The following NETO1 variants were observed in gnomAD, a reference collection of about 807,000 sequenced individuals.
NETO1 encodes the protein neuropilin and tolloid like 1, also known as neuropilin and tolloid-like protein 1.
Under a neutral mutation model 61.3 loss-of-function variants are expected in NETO1, and 26 were observed. The ratio of observed to expected loss-of-function variants is 0.42; its 90% CI spans 0.31 to 0.59. The LOEUF (loss-of-function observed/expected upper bound fraction) is 0.59, where lower values mean the gene tolerates loss of function less well. NETO1 is among the 20% of genes least tolerant of loss of function. The pLI is 0.12. For synonymous variants in NETO1, 225 were observed against 225.8 expected, an observed-to-expected ratio of 1.00 and a Z score of 0.03; for missense variants, 531 against 662.8, an observed-to-expected ratio of 0.80 and a Z score of 2.18.
At chr18:72,834,174 T>C in intron 4 of NETO1, 1 of 668,036 alleles carries the variant, frequency 1.5e-6, no homozygotes, top group Non-Finnish European at 1.9e-6. Flanking sequence ...TTTTAATATT[T>C]TAATAAAATA....
chr18:72,864,821 G>C lies in NETO1; in HGVS notation c.207C>G (p.Ile69Met), dbSNP rs2074684722. The C allele has an allele frequency of 1.2e-6, 2 of 1,613,756 alleles. No individual in the cohort carries two copies. The highest frequency in any genetic ancestry group is 8.5e-7 in the Non-Finnish European group (1 of 1,179,922). The change falls in exon 3 of 11, where the codon ATC becomes ATG. Residue 69 changes from isoleucine (I) to methionine (M), a missense_variant. Coordinates refer to ENST00000327305, the MANE Select transcript of NETO1 (RefSeq NM_138966.5). ...GTCTCCCCTTACCTTCTATGATGTA[G>C]ATGCATTCCCGGTCAGGGGGATACT... is the stretch of plus-strand genomic sequence containing the variant. ...PSKYPPDREC[I>M]YIIEAAPRQC...
At chr18:72,809,327 C>T (rs1481968003) in intron 4 of NETO1, among the ~76,000 whole-genome samples, 1 of 150,148 alleles carries the variant, frequency 6.7e-6, no homozygotes, top group East Asian at 1.9e-4. Context: ...ATGTCAAATA[C>T]TTAATTTCTT....
chr18:72,757,171 A>G (rs1244421214), intron 7 of NETO1, among the ~76,000 whole-genome samples: 3 of 152,142 alleles, frequency 2.0e-5, no homozygotes, highest in Non-Finnish European at 4.4e-5. Context: ...AAACATATGA[A>G]TTTCCAATGA....
intron 5 of NETO1, 56 bp from the exon 6 acceptor site, chr18:72,794,300 A>G: frequency 4.3e-6 from 7 of 1,613,888 alleles, no homozygotes; most frequent in Non-Finnish European, 5.9e-6. Context: ...TAATAAACCA[A>G]AAGTGTATTT....
intron 6 of NETO1, among the ~76,000 whole-genome samples, chr18:72,788,780 T>G (rs1009770592): frequency 1.3e-5 from 2 of 152,114 alleles, no homozygotes; most frequent in Non-Finnish European, 2.9e-5. Context: ...GAACCCCTTT[T>G]TATATGCAAA....
At chr18:72,781,743 TAAGAG>T (rs569240618) in intron 7 of NETO1, among the ~76,000 whole-genome samples, 118 of 152,334 alleles carry the variant, frequency 7.7e-4, no homozygotes, top group Middle Eastern at 3.4e-3. Flanking sequence ...CTGCTGACAA[TAAGAG>T]AAATCACTGA....
At chr18:72,804,043 T>C (rs1211972604) in intron 4 of NETO1, among the ~76,000 whole-genome samples, 4 of 152,072 alleles carry the variant, frequency 2.6e-5, no homozygotes, top group Non-Finnish European at 4.4e-5. Context: ...AATATCTTCA[T>C]ATTAATTTAT....
At chr18:72,846,335 T>C (rs2074082838) in intron 4 of NETO1, among the ~76,000 whole-genome samples, 4 of 151,052 alleles carry the variant, frequency 2.6e-5, no homozygotes, top group Admixed American at 2.6e-4. Flanking sequence ...AAATCCCGTC[T>C]CTACTAAAAA....
chr18:72,789,296 G>A (rs1445099688), intron 6 of NETO1, among the ~76,000 whole-genome samples: 1 of 150,352 alleles, frequency 6.7e-6, no homozygotes, highest in East Asian at 1.9e-4. Flanking sequence ...ATAATTTTCT[G>A]GCATATATAA....
At chr18:72,849,329 T>C (rs1478556566) in intron 4 of NETO1, among the ~76,000 whole-genome samples, 2 of 152,222 alleles carry the variant, frequency 1.3e-5, no homozygotes, top group African/African-American at 4.8e-5. Context: ...TCCAAACACA[T>C]ATTCCATTTT....
intron 4 of NETO1, among the ~76,000 whole-genome samples, chr18:72,813,529 T>G (rs1006782811): frequency 5.3e-5 from 8 of 152,156 alleles, no homozygotes; most frequent in Admixed American, 5.2e-4. Context: ...AAAAGAACAA[T>G]GTTTATCATG....
chr18:72,835,156 C>T, intron 4 of NETO1: 1 of 1,274,866 alleles, frequency 7.8e-7, no homozygotes, highest in Non-Finnish European at 1.0e-6. Context: ...GAGCAAACAG[C>T]ATTTTCAAGG....
At chr18:72,862,781 T>C (rs1407705355) in intron 3 of NETO1, among the ~76,000 whole-genome samples, 11 of 152,036 alleles carry the variant, frequency 7.2e-5, no homozygotes, top group Admixed American at 7.2e-4. Flanking sequence ...CCACCACGCC[T>C]GGCTCATTTT....
chr18:72,846,504 CAAA>C (rs35252443), intron 4 of NETO1, among the ~76,000 whole-genome samples: 9 of 13,002 alleles, frequency 6.9e-4, no homozygotes, highest in Admixed American at 1.7e-3. Flanking sequence ...GACTTCATCT[CAAA>C]AAAAAAAAAA....
chr18:72,743,854 G>T lies in NETO1; in HGVS notation c.*4325C>A, dbSNP rs2070377191. ...TCAGTATCTGTGACTATTAAGAGAG[G>T]GCACAAAAACAATTTTTCAAAGAGC... On this transcript the variant is annotated 3_prime_UTR_variant, in exon 11 of 11. Coordinates refer to ENST00000327305, the MANE Select transcript of NETO1 (RefSeq NM_138966.5). 2.0e-5 allele frequency: 3 copies of T among 151,920 alleles called. 1 individual carries two copies. The South Asian group carries it at 6.2e-4, about 32-fold the overall frequency. 9.4% of individuals were successfully genotyped at this position (151,920 alleles called of 1,614,324 possible).
Position 72,758,792 on chromosome 18 carries a change from C to T in NETO1, c.869-2645G>A, listed in dbSNP as rs897798754. On this transcript the variant is annotated intron_variant, in intron 7 of 10. Coordinates refer to ENST00000327305, the MANE Select transcript of NETO1 (RefSeq NM_138966.5). ...TGGAGGTTGCAGTGAGCCGAGATTG[C>T]GCCACTGTACTCCAGCCTGGGTCTG... Among the ~76,000 whole-genome samples the T allele has an allele frequency of 6.6e-5, 10 of 152,008 alleles. No homozygotes were observed. The South Asian group carries it at 1.0e-3, about 16-fold the overall frequency.
chr18:72,779,925 G>A (rs1012522245), intron 7 of NETO1, among the ~76,000 whole-genome samples: 6 of 152,132 alleles, frequency 3.9e-5, no homozygotes, highest in East Asian at 3.9e-4. Context: ...CCTGGTTCAC[G>A]GATGAAACGT....
intron 4 of NETO1, among the ~76,000 whole-genome samples, chr18:72,803,683 T>G (rs1276556691): frequency 6.6e-6 from 1 of 151,900 alleles, no homozygotes; most frequent in Non-Finnish European, 1.5e-5. Context: ...TAGTCAGGTG[T>G]GGTGGCACAT....
At chr18:72,835,292 G>A (rs766592629) in intron 4 of NETO1, 11 of 1,590,724 alleles carry the variant, frequency 6.9e-6, no homozygotes, top group Middle Eastern at 1.7e-4. Context: ...ACACTCTGTA[G>A]ATCCTGCTAA....
Sources: gnomAD v4.1 joint callset for allele counts (sites outside exome capture counted in the v4.1 genomes callset) on GRCh38, gnomAD v4.1.1 for gene constraint, MANE v1.5 for transcripts, NCBI Gene and HGNC (gene_info 2026-07-23, HGNC 2026-07-21) for gene names.